The following ELF4 variants were observed in gnomAD, a reference collection of about 807,000 sequenced individuals.
ELF4 encodes E74 like ETS transcription factor 4, also known as ETS-related transcription factor Elf-4.
In ELF4, 10 loss-of-function variants were observed where a neutral mutation model predicts 31.7. The ratio of observed to expected loss-of-function variants is 0.32; its 90% CI spans 0.19 to 0.54. The LOEUF (loss-of-function observed/expected upper bound fraction) is 0.54, where lower values mean the gene tolerates loss of function less well. Among genes scored for constraint, ELF4 ranks in the 20% least tolerant of loss-of-function variants. The pLI is 0.95. For synonymous variants in ELF4, 208 were observed against 226.7 expected (o/e 0.92, Z 0.74); for missense variants, 418 against 522.0 (o/e 0.80, Z 1.94).
chrX:130,103,908 G>A (rs1933328140), intron 1 of ELF4, among the ~76,000 whole-genome samples: 1 of 112,034 alleles, frequency 8.9e-6, no homozygotes, highest in African/African-American at 3.2e-5. Context: ...CTCTGGAAGG[G>A]CACTGGCCCC....
intron 1 of ELF4, among the ~76,000 whole-genome samples, chrX:130,103,464 A>G (rs905745910): frequency 2.7e-5 from 3 of 112,489 alleles, no homozygotes; most frequent in African/African-American, 9.7e-5. Context: ...AAACATCATC[A>G]GGAAAATACA....
chrX:130,100,968 A>G (rs1933243189), intron 1 of ELF4, among the ~76,000 whole-genome samples: 1 of 112,340 alleles, frequency 8.9e-6, no homozygotes. Flanking sequence ...CAGGGCTCCA[A>G]TGTTACTTTT....
intron 7 of ELF4, among the ~76,000 whole-genome samples, chrX:130,070,435 C>T (rs1221228076): frequency 9.1e-6 from 1 of 110,207 alleles, no homozygotes; most frequent in Non-Finnish European, 1.9e-5. Context: ...ATTAGCCGGG[C>T]GTGGTGGCGG....
At position 130,066,035 on chromosome X, in the gene ELF4, C is replaced by T. The variant is rs936175017; in HGVS notation, c.*686G>A. The T allele has an allele frequency of 5.7e-6, 1 of 175,011 alleles. No homozygotes were observed. Among genetic ancestry groups the T allele is most frequent in the Non-Finnish European group, 1.1e-5 (1 of 91,200 alleles). 14.4% of individuals were successfully genotyped at this position (175,011 alleles called of 1,213,427 possible). ...TCGGCCTTTGTGTCCCTGAGGAGCG[C>T]ATCTTCCCCAATGTGCATGCGCATC... On this transcript the variant is annotated 3_prime_UTR_variant, in exon 9 of 9. Coordinates refer to ENST00000308167, the MANE Select transcript of ELF4 (RefSeq NM_001421.4).
In ELF4 at chrX:130,067,092, G is replaced by T; in HGVS notation, c.1621C>A (p.Leu541Met). 1 of 1,208,278 alleles carries T rather than the reference G, an allele frequency of 8.3e-7. No individual in the cohort carries two copies. Among genetic ancestry groups the T allele is most frequent in the Non-Finnish European group, 1.1e-6 (1 of 892,835 alleles). The stretch of plus-strand genomic sequence containing the variant: ...CCCTGAACATAGGAGGAGGACCTCA[G>T]TGGCCCCTCCTTGACCCTAGGGGCT... ...TAAPRVKEGP[L>M]RSSSYVQGMV... Residue 541 changes from leucine to methionine, a missense_variant, in exon 9 of 9, where the codon CTG becomes ATG. Transcript: ENST00000308167.
At chrX:130,106,241 G>A (rs1444241163) in intron 1 of ELF4, among the ~76,000 whole-genome samples, 1 of 108,110 alleles carries the variant, frequency 9.2e-6, no homozygotes, top group African/African-American at 3.4e-5. Context: ...AGTCCCAGCC[G>A]TGCTGGCCTC....
At chrX:130,085,036 C>A (rs954881896) in intron 1 of ELF4, among the ~76,000 whole-genome samples, 2 of 112,200 alleles carry the variant, frequency 1.8e-5, no homozygotes, top group Admixed American at 9.4e-5. Flanking sequence ...GGAGCACACA[C>A]GGACACTTGG....
chrX:130,101,563 C>T (rs765623818), intron 1 of ELF4, among the ~76,000 whole-genome samples: 10 of 111,036 alleles, frequency 9.0e-5, no homozygotes, highest in African/African-American at 2.9e-4. Flanking sequence ...AAGGCCGAGG[C>T]GGGTGGATCA....
At chrX:130,074,255 C>T (rs767503170) in intron 3 of ELF4, 114 bp from the exon 4 acceptor site, 5 of 821,030 alleles carry the variant, frequency 6.1e-6, no homozygotes, top group South Asian at 4.2e-5. Flanking sequence ...AAGCATCCTT[C>T]GGGCTGACCC....
Position 130,067,478 on chromosome X carries a change from C to A in ELF4, c.1235G>T (p.Gly412Val), listed in dbSNP as rs1569400651. ...CTGCAGGGTCAGGGCCGAGCCCGACCCCACGGGGGCCACTCCTAGGTGGAT... is the reference window on the plus strand; with the variant it reads ...CTGCAGGGTCAGGGCCGAGCCCGACACCACGGGGGCCACTCCTAGGTGGAT... Reference protein sequence around the residue: ...SNIHLGVAPVGSGSALTLQTI... With the variant: ...SNIHLGVAPVVSGSALTLQTI... The change falls in exon 9 of 9, where the codon GGG (glycine) becomes GTG (valine). Residue 412 changes from glycine to valine, a missense_variant. By Grantham distance (109) the Gly-to-Val change is moderately radical. Transcript: ENST00000308167. 8.3e-7 allele frequency: 1 copy of A among 1,211,457 alleles called. No individual in the cohort carries two copies. The highest frequency in any genetic ancestry group is 2.2e-5 in the Admixed American group (1 of 46,014).
intron 2 of ELF4, among the ~76,000 whole-genome samples, chrX:130,077,423 G>A (rs1032509252): frequency 9.0e-6 from 1 of 110,982 alleles, no homozygotes; most frequent in Non-Finnish European, 1.9e-5. Flanking sequence ...AGCCTCCTGA[G>A]TAGCTGGGAT....
intron 5 of ELF4, 37 bp from the exon 6 acceptor site, chrX:130,071,456 C>T (rs776961332): frequency 8.4e-7 from 1 of 1,185,171 alleles, no homozygotes; most frequent in Non-Finnish European, 1.1e-6. Flanking sequence ...GGAGCAGCTC[C>T]CAAGAGAGGG....
At chrX:130,099,349 G>A (rs1187707778) in intron 1 of ELF4, among the ~76,000 whole-genome samples, 5 of 111,838 alleles carry the variant, frequency 4.5e-5, no homozygotes. Context: ...AGAGGCGGGT[G>A]GATCGCCTGA....
Position 130,069,223 on chromosome X carries a change from CAAAAAAA to C in ELF4, c.1187+70_1187+76del, listed in dbSNP as rs367640579. On this transcript the variant is annotated intron_variant, in intron 8 of 8. Coordinates refer to ENST00000308167, the MANE Select transcript of ELF4 (RefSeq NM_001421.4). ...TGGGTGACAGAGCGAGACTCCATCT[CAAAAAAA>C]AAAAAAAAGAAAACTGAACCCCAAC... The C allele has an allele frequency of 2.9e-6, 3 of 1,027,996 alleles. No individual in the cohort carries two copies. In the East Asian group the frequency reaches 9.6e-5, roughly 33 times the overall value. 84.7% of individuals were successfully genotyped at this position (1,027,996 alleles called of 1,213,427 possible).
intron 2 of ELF4, among the ~76,000 whole-genome samples, chrX:130,078,385 T>G (rs1932853541): frequency 7.9e-3 from 1 of 126 alleles, no homozygotes; most frequent in Non-Finnish European, 0.016. Context: ...TTGGGAGGCG[T>G]GAGAGCAGAA....
intron 1 of ELF4, among the ~76,000 whole-genome samples, chrX:130,106,853 T>A (rs752317961): frequency 5.2e-4 from 58 of 110,992 alleles, no homozygotes; most frequent in African/African-American, 1.6e-3. Flanking sequence ...ACAGGGGGCA[T>A]GGCAGACATG....
chrX:130,093,656 T>C (rs1933096899), intron 1 of ELF4, among the ~76,000 whole-genome samples: 1 of 112,195 alleles, frequency 8.9e-6, no homozygotes, highest in Admixed American at 9.5e-5. Flanking sequence ...TTGCCAGTCC[T>C]CCTGGGGACA....
intron 5 of ELF4, 46 bp downstream of exon 5, chrX:130,072,180 G>A (rs1472186065): frequency 1.5e-5 from 9 of 580,935 alleles, no homozygotes; most frequent in Middle Eastern, 7.9e-4. Context: ...CCCACGCCCC[G>A]CCCATCCCCT....
At chrX:130,082,835 G>A (rs914506429) in intron 1 of ELF4, among the ~76,000 whole-genome samples, 3 of 111,751 alleles carry the variant, frequency 2.7e-5, no homozygotes, top group Middle Eastern at 4.2e-3. Flanking sequence ...GTGGATGTGC[G>A]TGTGGGTGTG....
Sources: allele counts gnomAD v4.1 joint callset (sites outside exome capture counted in the v4.1 genomes callset), GRCh38; gene constraint gnomAD v4.1.1; transcripts MANE v1.5; gene names NCBI Gene and HGNC (gene_info 2026-07-23, HGNC 2026-07-21).